The following MROH7 variants were observed in gnomAD, a reference collection of about 807,000 sequenced individuals.
MROH7 encodes the protein maestro heat like repeat family member 7.
A neutral mutation model predicts 129.2 loss-of-function variants in MROH7; 113 were observed. The ratio of observed to expected loss-of-function variants is 0.87; its 90% CI spans 0.75 to 1.02. The LOEUF (loss-of-function observed/expected upper bound fraction) is 1.02. MROH7 is among the 50% of genes least tolerant of loss of function. The pLI, the probability that MROH7 is intolerant of heterozygous loss-of-function variation, is 0.00. For synonymous variants in MROH7, 655 were observed against 667.9 expected (o/e 0.98, Z 0.30); for missense variants, 1,601 against 1,671.3 (o/e 0.96, Z 0.73).
At position 54,701,168 on chromosome 1, in the gene MROH7, C is replaced by T. The variant is rs1310066187; in HGVS notation, c.3131C>T (p.Pro1044Leu). Residue 1044 changes from proline (P) to leucine (L), a missense_variant, in exon 19 of 24, where the codon CCC becomes CTC. Pro to Leu is a moderately conservative substitution (Grantham distance 98). Transcript: ENST00000421030. ...ACCGCCAAGGTGAAGGCCCTCCTGC[C>T]CTCCATGGTGAAGGGCCTGAAGAAC... ...EKTAKVKALLPSMVKGLKNMD... is the reference protein window; with the variant it reads ...EKTAKVKALLLSMVKGLKNMD... 4 of 1,614,018 alleles carry T rather than the reference C, an allele frequency of 2.5e-6. No individual in the cohort carries two copies. Among genetic ancestry groups the T allele is most frequent in the Non-Finnish European group, 2.5e-6 (3 of 1,180,022 alleles).
At chr1:54,660,740 C>T (rs956571907) in intron 3 of MROH7, among the ~76,000 whole-genome samples, 3 of 151,834 alleles carry the variant, frequency 2.0e-5, no homozygotes, top group Admixed American at 6.6e-5. Context: ...ACTTGAACCC[C>T]GGAGGTGGAG....
At chr1:54,679,120 T>G in intron 11 of MROH7, 143 bp from the exon 12 acceptor site, 1 of 866,216 alleles carries the variant, frequency 1.2e-6, no homozygotes, top group Admixed American at 2.0e-5. Flanking sequence ...TCAACACTTA[T>G]GTGTTAACTG....
Position 54,690,530 on chromosome 1 carries a change from G to A in MROH7, c.2712-1894G>A, listed in dbSNP as rs751734285. ...GCTACCTCAGCTCACTGCAAACTCC[G>A]CCTCCCGGGTTCACGCCATTCTCCT... On this transcript the variant is annotated intron_variant, in intron 15 of 23. Coordinates refer to ENST00000421030, the MANE Select transcript of MROH7 (RefSeq NM_001039464.4). 7.4e-5 allele frequency among the ~76,000 whole-genome samples: 11 copies of A among 149,140 alleles called. No individual in the cohort carries two copies. In the East Asian group the frequency reaches 1.2e-3, roughly 16 times the overall value.
At position 54,641,824 on chromosome 1, in the gene MROH7, T is replaced by TCTCC. The variant is rs1049337256; in HGVS notation, c.-253_-250dup. The stretch of plus-strand genomic sequence containing the variant: ...GGGAAAGTCCTAGGGGTGGGGGCAG[T>TCTCC]CTCCACAGCCTCCCACAAGGGAGTT... On this transcript the variant is annotated 5_prime_UTR_variant, in exon 1 of 24. Transcript: ENST00000421030. The TCTCC allele has an allele frequency of 2.2e-5, 3 of 139,168 alleles. No individual in the cohort carries two copies. The highest frequency in any genetic ancestry group is 7.7e-5 in the African/African-American group (3 of 39,086). 8.6% of individuals were successfully genotyped at this position (139,168 alleles called of 1,614,324 possible). A position where few individuals can be genotyped will look rare whatever the true frequency, so the allele number is the denominator to read the frequency against.
intron 10 of MROH7, among the ~76,000 whole-genome samples, chr1:54,678,045 A>T (rs1389920289): frequency 6.6e-6 from 1 of 152,206 alleles, no homozygotes; most frequent in African/African-American, 2.4e-5. Context: ...AATGAAACAG[A>T]CAGACAATGA....
intron 21 of MROH7, 94 bp downstream of exon 21, chr1:54,702,839 C>G (rs1645462589): frequency 1.4e-6 from 2 of 1,439,976 alleles, no homozygotes. Flanking sequence ...CACCAGCATC[C>G]TATTTCCATG....
At chr1:54,676,438 G>T (rs12121673) in intron 10 of MROH7, among the ~76,000 whole-genome samples, 28,953 of 151,688 alleles carry the variant, frequency 0.19, 3,004 homozygotes, top group East Asian at 0.34. Context: ...GAGATGGAGT[G>T]TAGCTCTGTT....
chr1:54,670,659 C>CGG, intron 6 of MROH7, 83 bp downstream of exon 6: 1 of 1,337,368 alleles, frequency 7.5e-7, no homozygotes, highest in Non-Finnish European at 1.0e-6. Context: ...TCGCTGTACC[C>CGG]TCCCCCAACC....
At chr1:54,675,973 G>A (rs1466250681) in intron 10 of MROH7, among the ~76,000 whole-genome samples, 1 of 151,524 alleles carries the variant, frequency 6.6e-6, no homozygotes, top group Non-Finnish European at 1.5e-5. Context: ...AGAAAGAAAG[G>A]AAAATGAGTA....
In MROH7 at chr1:54,709,982, T is replaced by C; in HGVS notation, c.3767T>C (p.Val1256Ala). Residue 1256 changes from valine (V) to alanine (A), a missense_variant, in exon 24 of 24, where the codon GTG becomes GCG. Coordinates refer to ENST00000421030, the MANE Select transcript of MROH7 (RefSeq NM_001039464.4). ...DNLRHDPEASVCIYAAQVQDH... is the reference protein window; with the variant it reads ...DNLRHDPEASACIYAAQVQDH... ...TTGAGACATGACCCAGAAGCATCAG[T>C]GTGCATCTACGCAGCCCAGGTCCAG... 6.2e-7 allele frequency: 1 copy of C among 1,614,082 alleles called. No individual in the cohort carries two copies. Among genetic ancestry groups the C allele is most frequent in the Non-Finnish European group, 8.5e-7 (1 of 1,179,994 alleles).
intron 17 of MROH7, chr1:54,697,882 C>G (rs907015508): frequency 2.0e-6 from 1 of 494,464 alleles, no homozygotes; most frequent in Admixed American, 3.4e-5. Context: ...ATGGGGCATT[C>G]CTGTGTCCAC....
intron 1 of MROH7, among the ~76,000 whole-genome samples, chr1:54,643,180 G>A (rs1557684080): frequency 6.6e-6 from 1 of 152,186 alleles, no homozygotes; most frequent in Non-Finnish European, 1.5e-5. Context: ...CATGAGGAGG[G>A]TGCCTCACCC....
At chr1:54,699,135 TTTCTTTCTTTC>T (rs1264431697) in intron 17 of MROH7, 1 of 100,568 alleles carries the variant, frequency 9.9e-6, no homozygotes, top group Non-Finnish European at 2.1e-5. Context: ...TCTTTCTTTC[TTTCTTTCTTTC>T]TTTCTTTCTT....
intron 3 of MROH7, among the ~76,000 whole-genome samples, chr1:54,662,171 G>A (rs1245283829): frequency 6.6e-6 from 1 of 152,180 alleles, no homozygotes. Flanking sequence ...AGTCAGCCAT[G>A]ATTGCACCAC....
intron 22 of MROH7, 47 bp from the exon 23 acceptor site, chr1:54,708,967 G>GGGGGGGGGGGGGGGC: frequency 7.5e-7 from 1 of 1,329,380 alleles, no homozygotes. Context: ...TTGGGGTGGG[G>GGGGGGGGGGGGGGGC]TCGACGTCGG....
chr1:54,686,059 G>T (rs777763826), intron 14 of MROH7, among the ~76,000 whole-genome samples, 199 bp from the exon 15 acceptor site: 1 of 152,022 alleles, frequency 6.6e-6, no homozygotes, highest in Non-Finnish European at 1.5e-5. Context: ...GTGGATTGTT[G>T]TCCTTGCTCT....
At chr1:54,684,174 C>A (rs1294068971) in intron 14 of MROH7, among the ~76,000 whole-genome samples, 1 of 152,210 alleles carries the variant, frequency 6.6e-6, no homozygotes, top group Non-Finnish European at 1.5e-5. Context: ...GCGAGACATT[C>A]TGGTGAAGGG....
intron 14 of MROH7, among the ~76,000 whole-genome samples, chr1:54,683,128 G>C (rs61768786): frequency 0.12 from 18,670 of 152,108 alleles, 1,780 homozygotes; most frequent in African/African-American, 0.27. Context: ...CTTGAGGCTA[G>C]GAGTTTGAGG....
chr1:54,681,464 GTTAAT>G (rs900546246), intron 13 of MROH7, among the ~76,000 whole-genome samples: 3 of 152,176 alleles, frequency 2.0e-5, no homozygotes, highest in Admixed American at 6.5e-5. Context: ...AGTTCTTATA[GTTAAT>G]TTATAGTTCC....
Sources: allele counts gnomAD v4.1 joint callset (sites outside exome capture counted in the v4.1 genomes callset), GRCh38; gene constraint gnomAD v4.1.1; transcripts MANE v1.5; gene names NCBI Gene and HGNC (gene_info 2026-07-23, HGNC 2026-07-21).